The following PKNOX2 variants were observed in gnomAD, a reference collection of about 807,000 sequenced individuals.
PKNOX2 encodes the protein homeobox protein PKNOX2.
PKNOX2 carries 14 observed loss-of-function variants against 53.1 expected under a neutral mutation model. That is an observed-to-expected ratio of 0.26 (90% CI 0.17 to 0.41). The LOEUF (loss-of-function observed/expected upper bound fraction) is 0.41. Among genes scored for constraint, PKNOX2 ranks in the 10% least tolerant of loss-of-function variants. The pLI, the probability that PKNOX2 is intolerant of heterozygous loss-of-function variation, is 1.00. For missense variants in PKNOX2, 496 were observed against 602.8 expected, an observed-to-expected ratio of 0.82 and a Z score of 1.85; for synonymous variants, 257 against 242.8, an observed-to-expected ratio of 1.06 and a Z score of -0.54.
intron 2 of PKNOX2, among the ~76,000 whole-genome samples, chr11:125,304,240 C>T (rs2002701): frequency 0.2 from 29,873 of 152,260 alleles, 3,513 homozygotes; most frequent in East Asian, 0.33. Flanking sequence ...GGGCCCATCT[C>T]GCCCAGCTCT....
intron 2 of PKNOX2, among the ~76,000 whole-genome samples, chr11:125,308,591 C>T (rs1565493364): frequency 6.6e-6 from 1 of 152,182 alleles, no homozygotes; most frequent in Non-Finnish European, 1.5e-5. Context: ...TCACAGGACT[C>T]GGGGGAGGCT....
chr11:125,327,627 T>G (rs1332385594), intron 2 of PKNOX2, among the ~76,000 whole-genome samples: 1 of 152,002 alleles, frequency 6.6e-6, no homozygotes, highest in Non-Finnish European at 1.5e-5. Context: ...AAGAGGAGGG[T>G]TGGAGACTGG....
At chr11:125,319,887 A>G (rs747299736) in intron 2 of PKNOX2, among the ~76,000 whole-genome samples, 17 of 152,202 alleles carry the variant, frequency 1.1e-4, no homozygotes, top group Non-Finnish European at 2.1e-4. Context: ...GAGGCCAAAC[A>G]GCAAGCTAGA....
In PKNOX2 at chr11:125,166,706, C is replaced by T. The variant is rs930942409; in HGVS notation, c.-201+1930C>T. 5.9e-5 allele frequency among the ~76,000 whole-genome samples: 9 copies of T among 152,166 alleles called. No individual in the cohort carries two copies. Among genetic ancestry groups the T allele is most frequent in the Non-Finnish European group, 1.3e-4 (9 of 68,026 alleles). The stretch of plus-strand genomic sequence containing the variant: ...GTAGGACCGGCTCAAACTCCAGTGC[C>T]CTGATTGGAGCCGCTTCCTGTGCTT... On this transcript the variant is annotated intron_variant, in intron 1 of 12. Transcript: ENST00000298282. This position sits in a 1 kb window ranked among gnomAD's most constrained non-coding sequence, Gnocchi z 4.0.
At chr11:125,414,166 G>A (rs1022969648) in intron 10 of PKNOX2, among the ~76,000 whole-genome samples, 18 of 152,154 alleles carry the variant, frequency 1.2e-4, no homozygotes, top group African/African-American at 3.9e-4. Flanking sequence ...GACTTGGGAA[G>A]GCAGAGGAAG....
rs762486040 is a variant in PKNOX2, at chr11:125,397,899, G to A, written c.425G>A (p.Arg142Lys). 6.2e-7 allele frequency: 1 copy of A among 1,613,138 alleles called. No homozygotes were observed. The highest frequency in any genetic ancestry group is 1.1e-5 in the South Asian group (1 of 90,856). Residue 142 changes from arginine to lysine, a missense_variant, in exon 7 of 13, where the codon AGA becomes AAA. Arg to Lys is a conservative substitution (Grantham distance 26, BLOSUM62 2). Coordinates refer to ENST00000298282, the MANE Select transcript of PKNOX2 (RefSeq NM_001382323.2). The part of the protein sequence containing the change: ...NLMVKAIQVL[R>K]IHLLELEKVN... ...ATGGTGAAGGCAATCCAGGTCCTGA[G>A]AATCCACCTGCTGGAGCTGGAGAAA...
At chr11:125,207,674 A>C (rs1939300435) in intron 1 of PKNOX2, among the ~76,000 whole-genome samples, 1 of 152,102 alleles carries the variant, frequency 6.6e-6, no homozygotes, top group Non-Finnish European at 1.5e-5. Flanking sequence ...TGTCGGCATG[A>C]AAGCTACTGG....
At chr11:125,414,567 A>G (rs1425258419) in intron 10 of PKNOX2, among the ~76,000 whole-genome samples, 1 of 152,198 alleles carries the variant, frequency 6.6e-6, no homozygotes, top group African/African-American at 2.4e-5. Context: ...CACCTGGGCC[A>G]CACAGCCATG....
chr11:125,212,411 C>T (rs1483350019), intron 1 of PKNOX2, among the ~76,000 whole-genome samples: 1 of 151,448 alleles, frequency 6.6e-6, no homozygotes, highest in Non-Finnish European at 1.5e-5. Context: ...GATGTGGCCC[C>T]GACAGGTCAA....
intron 2 of PKNOX2, among the ~76,000 whole-genome samples, chr11:125,235,734 T>A (rs2135571942): frequency 6.6e-6 from 1 of 152,270 alleles, no homozygotes; most frequent in East Asian, 1.9e-4. Context: ...CTGGAAGCGA[T>A]CTCTTCCCCT....
intron 5 of PKNOX2, among the ~76,000 whole-genome samples, chr11:125,374,718 C>T (rs1365661517): frequency 2.0e-5 from 3 of 152,134 alleles, no homozygotes; most frequent in African/African-American, 4.8e-5. Flanking sequence ...CCGCCAAGAC[C>T]AAAGATCCAG....
At chr11:125,279,959 T>C (rs958733521) in intron 2 of PKNOX2, among the ~76,000 whole-genome samples, 2 of 152,076 alleles carry the variant, frequency 1.3e-5, no homozygotes, top group Non-Finnish European at 2.9e-5. Context: ...AAGGAGATTA[T>C]GGGGGATTAA....
At chr11:125,218,898 G>A (rs1940839863) in intron 1 of PKNOX2, among the ~76,000 whole-genome samples, 1 of 152,176 alleles carries the variant, frequency 6.6e-6, no homozygotes, top group Admixed American at 6.6e-5. Context: ...ACATCCACAA[G>A]CACCCAGGTT....
intron 2 of PKNOX2, among the ~76,000 whole-genome samples, chr11:125,311,879 T>C (rs867501910): frequency 5.2e-4 from 79 of 152,172 alleles, no homozygotes; most frequent in Non-Finnish European, 1.9e-4. Flanking sequence ...GTCCTCCCAG[T>C]GAATTGAATA....
chr11:125,292,651 T>C (rs1254424226), intron 2 of PKNOX2, among the ~76,000 whole-genome samples: 2 of 152,170 alleles, frequency 1.3e-5, no homozygotes, highest in African/African-American at 2.4e-5. Context: ...GGTCTAGCCA[T>C]GTGTGGGAAG....
At chr11:125,172,429 A>G (rs767470007) in intron 1 of PKNOX2, among the ~76,000 whole-genome samples, 5 of 152,162 alleles carry the variant, frequency 3.3e-5, no homozygotes, top group Non-Finnish European at 7.4e-5. Context: ...GAGAGCAGAG[A>G]CTATAGGCCC....
At chr11:125,169,064 A>G (rs936987054) in intron 1 of PKNOX2, among the ~76,000 whole-genome samples, 5 of 152,202 alleles carry the variant, frequency 3.3e-5, no homozygotes. Flanking sequence ...GCTGTGTGGC[A>G]CAAGGACTGC....
chr11:125,219,470 G>A (rs891898247), intron 1 of PKNOX2, among the ~76,000 whole-genome samples: 1 of 150,776 alleles, frequency 6.6e-6, no homozygotes, highest in Non-Finnish European at 1.5e-5. Context: ...ACAAAGCTAA[G>A]AGAAAATGAC....
intron 7 of PKNOX2, among the ~76,000 whole-genome samples, chr11:125,403,018 T>C (rs1954846394): frequency 6.6e-6 from 1 of 152,184 alleles, no homozygotes; most frequent in Admixed American, 6.5e-5. Flanking sequence ...GTTGGTAGCC[T>C]ATTTGGCAAC....
Sources: allele counts gnomAD v4.1 joint callset (sites outside exome capture counted in the v4.1 genomes callset), GRCh38; gene constraint gnomAD v4.1.1; non-coding constraint Gnocchi (gnomAD v3.1); transcripts MANE v1.5; gene names NCBI Gene and HGNC (gene_info 2026-07-23, HGNC 2026-07-21).